The following COBLL1 variants were observed in gnomAD, a reference collection of about 807,000 sequenced individuals.
The protein encoded by COBLL1 is cordon-bleu WH2 repeat protein like 1.
A neutral mutation model predicts 94.8 loss-of-function variants in COBLL1; 50 were observed. That is an observed-to-expected ratio of 0.53 (90% CI 0.42 to 0.67). The LOEUF is 0.67. Among genes scored for constraint, COBLL1 ranks in the 30% least tolerant of loss-of-function variants. COBLL1 has a pLI of 0.00. For missense variants in COBLL1, 1,362 were observed against 1,348.7 expected, an observed-to-expected ratio of 1.01 and a Z score of -0.15; for synonymous variants, 448 against 473.8, an observed-to-expected ratio of 0.95 and a Z score of 0.71.
chr2:164,687,433 G>C, intron 13 of COBLL1: 1 of 1,103,556 alleles, frequency 9.1e-7, no homozygotes, highest in Non-Finnish European at 1.4e-6. Flanking sequence ...GAAGTGGATC[G>C]TCTGGCAGCC....
chr2:164,841,912 T>C, upstream of COBLL1: 1 of 1,451,676 alleles, frequency 6.9e-7, no homozygotes, highest in Non-Finnish European at 9.3e-7. This position sits in a 1 kb window ranked among gnomAD's most constrained non-coding sequence, Gnocchi z 5.5. Context: ...GTGCGGGCGC[T>C]GGCTGGGCGC....
chr2:164,708,217 T>G (rs923271972), intron 7 of COBLL1, among the ~76,000 whole-genome samples: 16 of 152,176 alleles, frequency 1.1e-4, no homozygotes, highest in African/African-American at 3.9e-4. Flanking sequence ...CCCATTACTC[T>G]GATTCCTCCT....
In COBLL1 at chr2:164,690,635, TA is replaced by T. The variant is rs1436074171; in HGVS notation, c.3300+1585del. Among the ~76,000 whole-genome samples the T allele has an allele frequency of 3.3e-5, 5 of 152,306 alleles. No homozygotes were observed. The South Asian group carries it at 6.2e-4, about 19-fold the overall frequency. On this transcript the variant is annotated intron_variant, in intron 13 of 13. Coordinates refer to ENST00000652658, the MANE Select transcript of COBLL1 (RefSeq NM_001365672.2). ...GATGAATATCTTCACTGACCTAGTA[TA>T]AAGGCATCGCAATCAGTTTCTGTGT...
chr2:164,836,609 G>A (rs181376559), intron 2 of COBLL1, among the ~76,000 whole-genome samples: 20 of 152,268 alleles, frequency 1.3e-4, no homozygotes, highest in African/African-American at 4.3e-4. Context: ...GTAAAATGAA[G>A]TTAATATACT....
intron 2 of COBLL1, among the ~76,000 whole-genome samples, chr2:164,766,743 C>G (rs190681487): frequency 6.6e-6 from 1 of 152,296 alleles, no homozygotes; most frequent in Admixed American, 6.5e-5. Flanking sequence ...TCCTAGTACT[C>G]TCTGACTACT....
At chr2:164,816,132 T>C (rs1452715793) in intron 2 of COBLL1, among the ~76,000 whole-genome samples, 2 of 151,590 alleles carry the variant, frequency 1.3e-5, no homozygotes, top group Non-Finnish European at 2.9e-5. Context: ...AGAGAAGAAA[T>C]GCATTTGGTT....
chr2:164,737,459 T>C (rs1686364977), intron 3 of COBLL1, among the ~76,000 whole-genome samples: 1 of 152,170 alleles, frequency 6.6e-6, no homozygotes, highest in Non-Finnish European at 1.5e-5. Context: ...GTAGTACTGT[T>C]ATGTCTAGGT....
chr2:164,824,568 C>G (rs1429947311), intron 2 of COBLL1, among the ~76,000 whole-genome samples: 1 of 152,066 alleles, frequency 6.6e-6, no homozygotes, highest in Admixed American at 6.6e-5. Flanking sequence ...CTGGGAAAGT[C>G]TGGAGAGAAG....
At chr2:164,770,474 T>C (rs1688152877) in intron 2 of COBLL1, among the ~76,000 whole-genome samples, 1 of 152,122 alleles carries the variant, frequency 6.6e-6, no homozygotes, top group Non-Finnish European at 1.5e-5. Flanking sequence ...TAAAACTATA[T>C]TAAATCTTTT....
Position 164,695,545 on chromosome 2 carries a change from T to C in COBLL1, c.1847A>G (p.Lys616Arg), listed in dbSNP as rs545164827. 10 of 1,613,954 alleles carry C rather than the reference T, an allele frequency of 6.2e-6. No homozygotes were observed. The Admixed American group carries it at 1.3e-4, about 22-fold the overall frequency. The stretch of plus-strand genomic sequence containing the variant: ...GTCAGATAAATTATGATCTTGGTGT[T>C]TCCCATCAAAACTGTTACAAGAAGG... ...TTPSCNSFDGKHQDHNLSDSK... is the reference protein window; with the variant it reads ...TTPSCNSFDGRHQDHNLSDSK... Residue 616 changes from lysine to arginine, a missense_variant, in exon 12 of 14, where the codon AAA becomes AGA. Coordinates refer to ENST00000652658, the MANE Select transcript of COBLL1 (RefSeq NM_001365672.2).
intron 5 of COBLL1, among the ~76,000 whole-genome samples, chr2:164,727,537 A>C (rs1259408291): frequency 2.0e-5 from 3 of 152,036 alleles, no homozygotes; most frequent in African/African-American, 7.2e-5. Flanking sequence ...TTTGGCAAGA[A>C]ACTTCCAAAC....
intron 7 of COBLL1, among the ~76,000 whole-genome samples, chr2:164,718,482 G>GA (rs1160291880): frequency 2.0e-5 from 3 of 151,538 alleles, no homozygotes; most frequent in Admixed American, 6.6e-5. Flanking sequence ...GCCACCTGAG[G>GA]AAAAAAAATA....
intron 11 of COBLL1, 128 bp downstream of exon 11, chr2:164,699,277 C>T (rs1684112290): frequency 1.8e-5 from 12 of 681,520 alleles, no homozygotes; most frequent in Non-Finnish European, 3.2e-5. Flanking sequence ...CCCATAATAT[C>T]CATAAATGAG....
intron 2 of COBLL1, among the ~76,000 whole-genome samples, chr2:164,828,232 T>C (rs1433381897): frequency 1.3e-5 from 2 of 152,142 alleles, no homozygotes; most frequent in East Asian, 1.9e-4. Context: ...ATACCACCTA[T>C]CCAATAACTG....
rs1687890025 is a variant in COBLL1 at position 164,765,582 on chromosome 2, G to A, written c.42-21707C>T. Among the ~76,000 whole-genome samples, 11 of 152,122 alleles carry A rather than the reference G, an allele frequency of 7.2e-5. No homozygotes were observed. In the South Asian group the frequency reaches 2.3e-3, roughly 31 times the overall value. ...TCTTGAGACGAATAAAAGGGAAAAA[G>A]TGGAGAAAGCTAAAGCAAAATTGGC... On this transcript the variant is annotated intron_variant, in intron 2 of 13. Transcript: ENST00000652658.
chr2:164,668,543 A>G (rs1246200443), intron 1 of COBLL1, among the ~76,000 whole-genome samples: 1 of 152,226 alleles, frequency 6.6e-6, no homozygotes, highest in Non-Finnish European at 1.5e-5. Flanking sequence ...ACACAAGGAC[A>G]TGAAGTGAGC....
At chr2:164,797,574 G>A (rs573566625) in intron 2 of COBLL1, among the ~76,000 whole-genome samples, 2 of 152,186 alleles carry the variant, frequency 1.3e-5, no homozygotes, top group South Asian at 2.1e-4. Flanking sequence ...TTAAAGTCTA[G>A]GCTTTTTCAA....
chr2:164,749,935 T>C (rs1687047981), intron 2 of COBLL1, among the ~76,000 whole-genome samples: 1 of 152,168 alleles, frequency 6.6e-6, no homozygotes, highest in South Asian at 2.1e-4. Flanking sequence ...CTTGGCTTCT[T>C]CATGTGGGCA....
intron 2 of COBLL1, among the ~76,000 whole-genome samples, chr2:164,756,112 A>C (rs1687394874): frequency 6.6e-6 from 1 of 152,060 alleles, no homozygotes; most frequent in African/African-American, 2.4e-5. Context: ...AGAGAGCAAG[A>C]GTGAGGGAAT....
Sources: gnomAD v4.1 joint callset for allele counts (sites outside exome capture counted in the v4.1 genomes callset) on GRCh38, gnomAD v4.1.1 for gene constraint, Gnocchi (gnomAD v3.1) non-coding constraint, MANE v1.5 for transcripts, NCBI Gene and HGNC (gene_info 2026-07-23, HGNC 2026-07-21) for gene names.